SLC17A1: variants seen among roughly 807,000 people sequenced by gnomAD.
The protein encoded by SLC17A1 is solute carrier family 17 member 1.
Under a neutral mutation model 53.5 loss-of-function variants are expected in SLC17A1, and 51 were observed. The observed-to-expected ratio is 0.95, with a 90% CI of 0.76 to 1.20. SLC17A1 has a LOEUF of 1.20. SLC17A1 is among the 50% of genes most tolerant of loss of function. SLC17A1 has a pLI of 0.00. For missense variants in SLC17A1, 538 were observed against 568.2 expected (o/e 0.95, Z 0.54); for synonymous variants, 179 against 198.8 (o/e 0.90, Z 0.84).
At chr6:25,761,938 C>G in the SLC17A1 span, 27 of 1,584,544 alleles carry the variant, frequency 1.7e-5, no homozygotes, top group Admixed American at 2.5e-4. Context: ...AAGTAAATGC[C>G]AGTCCCTAGG....
the SLC17A1 span, chr6:25,727,371 C>A: frequency 6.6e-6 from 8 of 1,209,696 alleles, no homozygotes; most frequent in South Asian, 5.2e-5. Context: ...CTGTGGGCTT[C>A]GTTTTTGTGT....
the SLC17A1 span, chr6:25,732,433 A>G: frequency 3.7e-6 from 1 of 272,870 alleles, no homozygotes; most frequent in Non-Finnish European, 7.1e-6. Context: ...TATAACTTTT[A>G]GTTTTGGGCT....
Position 25,798,920 on chromosome 6 carries a change from C to T in SLC17A1, c.1270-1G>A. On this transcript the variant is annotated splice_acceptor_variant, in intron 11 of 12. Transcript: ENST00000244527. LOFTEE classifies it high-confidence loss of function. ...TTTTAAACCAGGCGGATTCCGGATC[C>T]TAAGGAATTAAAATTCAAAGTAATT... is the stretch of plus-strand genomic sequence containing the variant. The T allele has an allele frequency of 1.3e-6, 2 of 1,555,380 alleles. No individual in the cohort carries two copies. The highest frequency in any genetic ancestry group is 1.2e-5 in the South Asian group (1 of 81,052).
chr6:25,800,991 A>G lies in SLC17A1; in HGVS notation c.1179-11T>C, dbSNP rs375130789. 1.4e-6 allele frequency: 2 copies of G among 1,388,402 alleles called. No homozygotes were observed. Among genetic ancestry groups the G allele is most frequent in the Non-Finnish European group, 2.1e-6 (2 of 974,952 alleles). The allele number at this position is 1,388,402 out of a possible 1,614,324, so 86.0% of individuals were successfully genotyped here. A position where few individuals can be genotyped will look rare whatever the true frequency, so the allele number is the denominator to read the frequency against. On this transcript the variant is annotated splice_polypyrimidine_tract_variant and intron_variant, in intron 10 of 12. Transcript: ENST00000244527. ...ATAAATCCAAAATATCTATGCATAAAAGAGTAATACACAAATGTAAAGTAG... is the reference window on the plus strand; with the variant it reads ...ATAAATCCAAAATATCTATGCATAAGAGAGTAATACACAAATGTAAAGTAG...
the SLC17A1 span, chr6:25,726,929 A>G: frequency 3.1e-6 from 5 of 1,613,444 alleles, no homozygotes; most frequent in Middle Eastern, 1.6e-4. Context: ...TGTCATCTAA[A>G]GGTGCTACCA....
chr6:25,823,492 A>G lies in SLC17A1; in HGVS notation c.207+2969T>C, dbSNP rs1419819447. Among the ~76,000 whole-genome samples the G allele has an allele frequency of 2.0e-5, 3 of 152,194 alleles. No homozygotes were observed. The South Asian group carries it at 6.2e-4, about 32-fold the overall frequency. On this transcript the variant is annotated intron_variant, in intron 3 of 12. Coordinates refer to ENST00000244527, the MANE Select transcript of SLC17A1 (RefSeq NM_005074.5). ...CTGCACACACTTTATATTTGCAATC[A>G]TTACAATTTTAGCCATTTGAATCAG... is the stretch of plus-strand genomic sequence containing the variant.
chr6:25,735,229 C>T, the SLC17A1 span, among the ~76,000 whole-genome samples: 1 of 152,012 alleles, frequency 6.6e-6, no homozygotes, highest in Non-Finnish European at 1.5e-5. Flanking sequence ...TAAACATTTG[C>T]TAAAGGAAAT....
At chr6:25,732,081 T>C in the SLC17A1 span, 1 of 1,101,982 alleles carries the variant, frequency 9.1e-7, no homozygotes, top group Non-Finnish European at 1.2e-6. Context: ...CTTGCGCTTT[T>C]TGTCCTCCTT....
the SLC17A1 span, among the ~76,000 whole-genome samples, chr6:25,737,267 C>T: frequency 2.7e-3 from 408 of 152,164 alleles, 3 homozygotes; most frequent in Middle Eastern, 0.01. Context: ...CAGGCTTTTG[C>T]ATTTCTGATG....
At chr6:25,755,638 A>G in the SLC17A1 span, among the ~76,000 whole-genome samples, 1 of 152,142 alleles carries the variant, frequency 6.6e-6, no homozygotes, top group African/African-American at 2.4e-5. Flanking sequence ...TTCCTCATTT[A>G]CCTGGTTTCA....
chr6:25,802,935 CTTTTTT>C lies in SLC17A1; in HGVS notation c.1179-1961_1179-1956del, dbSNP rs34669145. Among the ~76,000 whole-genome samples, 374 of 46,024 alleles carry C rather than the reference CTTTTTT, an allele frequency of 8.1e-3. 1 individual carries two copies. The highest frequency in any genetic ancestry group is 0.029 in the African/African-American group (324 of 11,036). 30.2% of individuals were successfully genotyped at this position (46,024 alleles called of 152,430 possible). A position where few individuals can be genotyped will look rare whatever the true frequency, so the allele number is the denominator to read the frequency against. On this transcript the variant is annotated intron_variant, in intron 10 of 12. Transcript: ENST00000244527. ...ATGACGTTTTAACGACTATCTTCTT[CTTTTTT>C]TTTTTTTTTTTTTTTTTTTTTTTGA...
intron 10 of SLC17A1, among the ~76,000 whole-genome samples, chr6:25,805,860 A>C (rs750635848): frequency 6.6e-6 from 1 of 152,106 alleles, no homozygotes; most frequent in Admixed American, 6.6e-5. Flanking sequence ...AAGCAGTGAG[A>C]TTAAATCAGT....
chr6:25,726,066 G>A, the SLC17A1 span: 6 of 1,382,240 alleles, frequency 4.3e-6, no homozygotes, highest in South Asian at 3.0e-5. Flanking sequence ...GAGACGGTAG[G>A]TGGCTCTGAA....
At chr6:25,805,621 T>C (rs1763925722) in intron 10 of SLC17A1, among the ~76,000 whole-genome samples, 1 of 151,688 alleles carries the variant, frequency 6.6e-6, no homozygotes, top group African/African-American at 2.4e-5. Context: ...GATGATTAGC[T>C]AGATTAACCA....
intron 12 of SLC17A1, among the ~76,000 whole-genome samples, chr6:25,788,753 G>GGCATCCACAAGGGGGCATCAGA (rs1182871011): frequency 6.6e-6 from 1 of 152,124 alleles, no homozygotes; most frequent in African/African-American, 2.4e-5. Flanking sequence ...CAGAGTGAGG[G>GGCATCCACAAGGGGGCATCAGA]GTGTAGGCCT....
intron 10 of SLC17A1, among the ~76,000 whole-genome samples, chr6:25,805,909 G>A (rs974950435): frequency 6.6e-6 from 1 of 151,804 alleles, no homozygotes; most frequent in East Asian, 1.9e-4. Flanking sequence ...CAACAACAAA[G>A]CCCAGGGCCA....
At chr6:25,770,116 C>A in the SLC17A1 span, 1 of 1,614,112 alleles carries the variant, frequency 6.2e-7, no homozygotes, top group East Asian at 2.2e-5. Context: ...ATCCTCAGCT[C>A]CCTCAACTAT....
At chr6:25,799,177 A>T (rs558146352) in intron 11 of SLC17A1, among the ~76,000 whole-genome samples, 67 of 152,170 alleles carry the variant, frequency 4.4e-4, no homozygotes, top group Non-Finnish European at 6.9e-4. Flanking sequence ...TAATTAACTG[A>T]TTTTTTTAAT....
the SLC17A1 span, among the ~76,000 whole-genome samples, chr6:25,757,161 T>C: frequency 5.9e-5 from 9 of 152,222 alleles, no homozygotes; most frequent in African/African-American, 2.2e-4. Context: ...AATGACATCA[T>C]TGAGGCAACT....
Sources: allele counts gnomAD v4.1 joint callset (sites outside exome capture counted in the v4.1 genomes callset), GRCh38; gene constraint gnomAD v4.1.1; transcripts MANE v1.5; gene names NCBI Gene and HGNC (gene_info 2026-07-23, HGNC 2026-07-21).